Variants in ALK observed in about 807,000 individuals in gnomAD.
ALK encodes ALK receptor tyrosine kinase, also known as ALK tyrosine kinase receptor.
Under a neutral mutation model 163.1 loss-of-function variants are expected in ALK, and 74 were observed. The ratio of observed to expected loss-of-function variants is 0.45; its 90% confidence interval spans 0.38 to 0.55. The LOEUF (loss-of-function observed/expected upper bound fraction) is 0.55, where lower values mean the gene tolerates loss of function less well. ALK is among the 20% of genes least tolerant of loss of function. The pLI, the probability that ALK is intolerant of heterozygous loss-of-function variation, is 0.00. For missense variants in ALK, 2,063 were observed against 2,105.3 expected (o/e 0.98, Z 0.39); for synonymous variants, 960 against 843.2 (o/e 1.14, Z -2.40).
chr2:29,580,786 C>T (rs1426486933), intron 3 of ALK, among the ~76,000 whole-genome samples: 1 of 152,238 alleles, frequency 6.6e-6, no homozygotes, highest in Non-Finnish European at 1.5e-5. Context: ...TGCCATCCTG[C>T]TGCCCAATGG....
intron 4 of ALK, among the ~76,000 whole-genome samples, chr2:29,476,151 C>T (rs1392172658): frequency 6.6e-6 from 1 of 152,148 alleles, no homozygotes; most frequent in Non-Finnish European, 1.5e-5. Flanking sequence ...GAGACACAAG[C>T]TGCGGCTCAG....
At chr2:29,886,500 AAG>A (rs1361859590) in intron 1 of ALK, among the ~76,000 whole-genome samples, 1 of 152,248 alleles carries the variant, frequency 6.6e-6, no homozygotes, top group Non-Finnish European at 1.5e-5. Flanking sequence ...TAAACAGAAA[AAG>A]AGATGTAACT....
chr2:29,310,336 T>G (rs576942783), intron 8 of ALK, among the ~76,000 whole-genome samples: 99 of 152,312 alleles, frequency 6.5e-4, no homozygotes, highest in African/African-American at 2.3e-3. Flanking sequence ...GTGAAATGCT[T>G]AGCATAGTGC....
At chr2:29,538,018 G>A (rs1413566850) in intron 3 of ALK, among the ~76,000 whole-genome samples, 3 of 152,192 alleles carry the variant, frequency 2.0e-5, no homozygotes, top group African/African-American at 4.8e-5. Flanking sequence ...TACCACCATC[G>A]TATCTTAGAA....
intron 1 of ALK, among the ~76,000 whole-genome samples, chr2:29,756,031 C>T (rs891037233): frequency 6.6e-6 from 1 of 152,222 alleles, no homozygotes; most frequent in South Asian, 2.1e-4. Context: ...ACAAAAAGCC[C>T]GAGCACTGAG....
intron 11 of ALK, among the ~76,000 whole-genome samples, chr2:29,269,228 C>T (rs1236760895): frequency 2.0e-5 from 3 of 152,210 alleles, no homozygotes; most frequent in Admixed American, 6.5e-5. Context: ...TGACAAATGG[C>T]GGAACACACT....
chr2:29,663,185 C>A (rs758994800), intron 3 of ALK, among the ~76,000 whole-genome samples: 1 of 152,126 alleles, frequency 6.6e-6, no homozygotes, highest in Non-Finnish European at 1.5e-5. Flanking sequence ...CATTGGAACT[C>A]CTCATATTCA....
chr2:29,563,563 G>A (rs1443426683), intron 3 of ALK, among the ~76,000 whole-genome samples: 1 of 152,178 alleles, frequency 6.6e-6, no homozygotes, highest in Non-Finnish European at 1.5e-5. Context: ...GGGATGGAGA[G>A]GAATTTATGG....
intron 4 of ALK, among the ~76,000 whole-genome samples, chr2:29,423,184 AT>A (rs1670058971): frequency 6.6e-6 from 1 of 152,182 alleles, no homozygotes; most frequent in African/African-American, 2.4e-5. Flanking sequence ...CATATCTTCC[AT>A]ATGTCATTTC....
At chr2:29,877,527 T>TC (rs1406708681) in intron 1 of ALK, among the ~76,000 whole-genome samples, 1 of 152,222 alleles carries the variant, frequency 6.6e-6, no homozygotes, top group Non-Finnish European at 1.5e-5. Context: ...CACTGCTGTA[T>TC]CCCTAGCGCC....
intron 9 of ALK, among the ~76,000 whole-genome samples, chr2:29,281,311 C>A (rs1665713240): frequency 6.6e-6 from 1 of 152,112 alleles, no homozygotes; most frequent in South Asian, 2.1e-4. Context: ...AGGCTGGGTT[C>A]CCCAGGATAG....
At chr2:29,891,400 G>A (rs1231706372) in intron 1 of ALK, among the ~76,000 whole-genome samples, 1 of 152,142 alleles carries the variant, frequency 6.6e-6, no homozygotes, top group Non-Finnish European at 1.5e-5. Flanking sequence ...ACAGTAATGT[G>A]GGTAACACTA....
intron 4 of ALK, among the ~76,000 whole-genome samples, chr2:29,419,252 A>G (rs576204078): frequency 2.0e-5 from 3 of 151,288 alleles, no homozygotes; most frequent in East Asian, 1.9e-4. Context: ...ACAGGGTTTC[A>G]CCATGTTGGC....
intron 4 of ALK, among the ~76,000 whole-genome samples, chr2:29,407,141 G>A (rs765374157): frequency 5.3e-5 from 8 of 152,134 alleles, no homozygotes; most frequent in East Asian, 1.9e-4. Context: ...TCCAGCAAAC[G>A]TGTCTAACTG....
At chr2:29,672,546 T>C (rs1424841137) in intron 3 of ALK, among the ~76,000 whole-genome samples, 1 of 150,434 alleles carries the variant, frequency 6.6e-6, no homozygotes, top group Non-Finnish European at 1.5e-5. Flanking sequence ...ATGGTGTATA[T>C]GTGCCACATT....
chr2:29,810,796 A>G (rs1388707122), intron 1 of ALK, among the ~76,000 whole-genome samples: 1 of 152,146 alleles, frequency 6.6e-6, no homozygotes, highest in Non-Finnish European at 1.5e-5. Context: ...CCTAATTCCC[A>G]ATGCAACTGT....
At chr2:29,731,959 G>C (rs1426985254) in intron 1 of ALK, among the ~76,000 whole-genome samples, 1 of 152,194 alleles carries the variant, frequency 6.6e-6, no homozygotes, top group African/African-American at 2.4e-5. Context: ...ACTCAGCAGT[G>C]GGAGGGGAAG....
chr2:29,695,137 G>T, intron 2 of ALK, 123 bp from the exon 3 acceptor site: 2 of 1,106,748 alleles, frequency 1.8e-6, no homozygotes, highest in Non-Finnish European at 1.3e-6. Flanking sequence ...GTCCAAGGGA[G>T]ATCAGTTGTC....
At chr2:29,378,681 TTCAGGGCCATGCTGA>T (rs1226502354) in intron 5 of ALK, among the ~76,000 whole-genome samples, 1 of 152,034 alleles carries the variant, frequency 6.6e-6, no homozygotes, top group African/African-American at 2.4e-5. Context: ...TTAGGAGCTG[TTCAGGGCCATGCTGA>T]TCCTCCCCTC....
Sources: allele counts gnomAD v4.1 joint callset (sites outside exome capture counted in the v4.1 genomes callset), GRCh38; gene constraint gnomAD v4.1.1; transcripts MANE v1.5; gene names NCBI Gene and HGNC (gene_info 2026-07-23, HGNC 2026-07-21).